CTTNBP2NL: variants seen among roughly 807,000 people sequenced by gnomAD.
CTTNBP2NL encodes the protein CTTNBP2 N-terminal like.
In CTTNBP2NL, 16 loss-of-function variants were observed where a neutral mutation model predicts 32.5. That is an observed-to-expected ratio of 0.49 (90% confidence interval 0.33 to 0.75). The LOEUF (loss-of-function observed/expected upper bound fraction) is 0.75, where lower values mean the gene tolerates loss of function less well. CTTNBP2NL is among the 30% of genes least tolerant of loss of function. The pLI, the probability that CTTNBP2NL is intolerant of heterozygous loss-of-function variation, is 0.02. For missense variants in CTTNBP2NL, 645 were observed against 756.0 expected (o/e 0.85, Z 1.72); for synonymous variants, 298 against 289.4 (o/e 1.03, Z -0.30).
At chr1:112,400,175 C>T (rs537442149) in intron 1 of CTTNBP2NL, among the ~76,000 whole-genome samples, 1 of 152,270 alleles carries the variant, frequency 6.6e-6, no homozygotes, top group South Asian at 2.1e-4. Context: ...GAGAAAATGG[C>T]TTACTTATCA....
At chr1:112,451,992 C>G (rs959141756) in intron 4 of CTTNBP2NL, among the ~76,000 whole-genome samples, 1 of 152,102 alleles carries the variant, frequency 6.6e-6, no homozygotes, top group Non-Finnish European at 1.5e-5. Context: ...AATTTTTTCT[C>G]TGCTAGAGGC....
chr1:112,394,869 C>T (rs1230331680), upstream of CTTNBP2NL, among the ~76,000 whole-genome samples: 1 of 152,202 alleles, frequency 6.6e-6, no homozygotes, highest in African/African-American at 2.4e-5. Context: ...GAATCTCTAT[C>T]TTCTCATCTG....
chr1:112,413,809 A>C (rs1022984635), intron 2 of CTTNBP2NL, among the ~76,000 whole-genome samples: 2 of 152,206 alleles, frequency 1.3e-5, no homozygotes, highest in African/African-American at 4.8e-5. Context: ...GCACTTTGAG[A>C]GGCCAAGGCG....
chr1:112,446,305 G>A (rs1650034775), intron 3 of CTTNBP2NL, among the ~76,000 whole-genome samples: 1 of 151,920 alleles, frequency 6.6e-6, no homozygotes, highest in African/African-American at 2.4e-5. Context: ...GGTCAAGGCT[G>A]CAGTGAGCTG....
chr1:112,423,372 A>G (rs1017058860), intron 3 of CTTNBP2NL, among the ~76,000 whole-genome samples: 1 of 152,180 alleles, frequency 6.6e-6, no homozygotes, highest in African/African-American at 2.4e-5. Context: ...TGTTCTCACT[A>G]CACAAAAATG....
At chr1:112,408,175 A>G (rs532554899) in intron 1 of CTTNBP2NL, among the ~76,000 whole-genome samples, 40 of 144,312 alleles carry the variant, frequency 2.8e-4, no homozygotes, top group Admixed American at 1.3e-3. Context: ...TGTACAAAAG[A>G]TCTGCTTTCT....
chr1:112,413,227 G>T (rs1648936791), intron 2 of CTTNBP2NL, among the ~76,000 whole-genome samples: 1 of 151,944 alleles, frequency 6.6e-6, no homozygotes, highest in African/African-American at 2.4e-5. Flanking sequence ...TATTTTATTA[G>T]AATCTAACAA....
intron 3 of CTTNBP2NL, among the ~76,000 whole-genome samples, chr1:112,424,910 G>T (rs1649346725): frequency 6.6e-6 from 1 of 151,852 alleles, no homozygotes; most frequent in South Asian, 2.1e-4. Flanking sequence ...TCAAGCCCCA[G>T]GCTCAAGTGA....
chr1:112,441,775 T>G (rs1295974419), intron 3 of CTTNBP2NL, among the ~76,000 whole-genome samples: 1 of 152,206 alleles, frequency 6.6e-6, no homozygotes, highest in Non-Finnish European at 1.5e-5. Flanking sequence ...TTTTTTTAAC[T>G]TACACCTCCC....
At chr1:112,409,499 A>G (rs1293657962) in intron 1 of CTTNBP2NL, among the ~76,000 whole-genome samples, 1 of 152,098 alleles carries the variant, frequency 6.6e-6, no homozygotes, top group Non-Finnish European at 1.5e-5. Flanking sequence ...TTGTTTTCCT[A>G]CCTTATGTGG....
chr1:112,423,063 G>A (rs942950678), intron 3 of CTTNBP2NL, among the ~76,000 whole-genome samples: 3 of 152,100 alleles, frequency 2.0e-5, no homozygotes, highest in African/African-American at 4.8e-5. Flanking sequence ...CAAAGTGTTG[G>A]GATTGTAGGC....
intron 3 of CTTNBP2NL, among the ~76,000 whole-genome samples, chr1:112,431,000 G>T (rs1649553114): frequency 6.6e-6 from 1 of 152,188 alleles, no homozygotes; most frequent in Non-Finnish European, 1.5e-5. Flanking sequence ...GATGCCAGAA[G>T]AATAAGCAAA....
At chr1:112,392,137 T>C (rs572966270), upstream of CTTNBP2NL, among the ~76,000 whole-genome samples, 48 of 152,326 alleles carry the variant, frequency 3.2e-4, 1 homozygote, top group South Asian at 9.7e-3. Flanking sequence ...CTTAGCATGA[T>C]GGAGAGATGA....
At chr1:112,422,548 T>A (rs968384895) in intron 3 of CTTNBP2NL, among the ~76,000 whole-genome samples, 8 of 152,230 alleles carry the variant, frequency 5.3e-5, no homozygotes, top group African/African-American at 1.9e-4. Context: ...GTGTATTTAA[T>A]TTTTAAGAAT....
intron 1 of CTTNBP2NL, among the ~76,000 whole-genome samples, chr1:112,405,633 C>T (rs1473003225): frequency 1.3e-5 from 2 of 152,114 alleles, no homozygotes; most frequent in Non-Finnish European, 2.9e-5. Context: ...CTAATGTTCT[C>T]ATTTGAGGGA....
intron 1 of CTTNBP2NL, among the ~76,000 whole-genome samples, chr1:112,401,567 A>C (rs1220476551): frequency 6.6e-6 from 1 of 152,184 alleles, no homozygotes; most frequent in Non-Finnish European, 1.5e-5. Flanking sequence ...AATTTTGATT[A>C]AAAGTGGTTT....
intron 2 of CTTNBP2NL, chr1:112,415,049 G>A (rs1383073376): frequency 6.6e-6 from 1 of 151,982 alleles, no homozygotes; most frequent in Non-Finnish European, 1.5e-5. Context: ...AAATTAACCA[G>A]GCGTGGTGGC....
intron 3 of CTTNBP2NL, among the ~76,000 whole-genome samples, chr1:112,447,272 TAAA>T (rs35522134): frequency 7.2e-5 from 5 of 69,690 alleles, no homozygotes; most frequent in Admixed American, 1.8e-4. Context: ...AGACTCCATC[TAAA>T]AAAAAAAAAA....
At position 112,456,432 on chromosome 1, in the gene CTTNBP2NL, A is replaced by G. The variant is rs756701063; in HGVS notation, c.940A>G (p.Thr314Ala). Residue 314 changes from threonine to alanine, a missense_variant, in exon 6 of 6, where the codon ACA becomes GCA. By Grantham distance (58) the Thr-to-Ala change is moderately conservative. Transcript: ENST00000271277. ...CATGCTAATGTCTGTGTTTTGCCAA[A>G]CAGAGAGTTTTCCAGCAGAAAGAAC... Reference protein sequence around the residue: ...PLMLMSVFCQTESFPAERTHG... With the variant: ...PLMLMSVFCQAESFPAERTHG... The G allele has an allele frequency of 7.4e-6, 12 of 1,614,124 alleles. No homozygotes were observed. The highest frequency in any genetic ancestry group is 9.3e-6 in the Non-Finnish European group (11 of 1,180,018).
Sources: allele counts gnomAD v4.1 joint callset (sites outside exome capture counted in the v4.1 genomes callset), GRCh38; gene constraint gnomAD v4.1.1; transcripts MANE v1.5; gene names NCBI Gene and HGNC (gene_info 2026-07-23, HGNC 2026-07-21).